The following ACIN1 variants were observed in gnomAD, a reference collection of about 807,000 sequenced individuals.
ACIN1 encodes the protein apoptotic chromatin condensation inducer 1.
Under a neutral mutation model 146.6 loss-of-function variants are expected in ACIN1, and 16 were observed. That is an observed-to-expected ratio of 0.11 (90% CI 0.07 to 0.17). The LOEUF is 0.17. Ranked by LOEUF, ACIN1 falls within the 10% of genes least tolerant of loss-of-function variation. The pLI, the probability that ACIN1 is intolerant of heterozygous loss-of-function variation, is 1.00. For synonymous variants in ACIN1, 569 were observed against 582.7 expected, an observed-to-expected ratio of 0.98 and a Z score of 0.34; for missense variants, 1,357 against 1,609.3, an observed-to-expected ratio of 0.84 and a Z score of 2.68.
chr14:23,060,978 AG>A (rs2047261629), intron 18 of ACIN1, 105 bp downstream of exon 18: 3 of 1,046,922 alleles, frequency 2.9e-6, no homozygotes, highest in African/African-American at 1.6e-5. Context: ...TCCTAAACCT[AG>A]GAAGTACTTG....
intron 8 of ACIN1, among the ~76,000 whole-genome samples, chr14:23,075,534 G>C (rs976485924): frequency 6.6e-6 from 1 of 151,610 alleles, no homozygotes; most frequent in Non-Finnish European, 1.5e-5. Context: ...ATCAGAATCA[G>C]AATGGATTTA....
chr14:23,079,819 G>T lies in ACIN1; in HGVS notation c.1516C>A (p.Leu506Ile), dbSNP rs1594772260. The T allele has an allele frequency of 1.2e-6, 2 of 1,614,220 alleles. No individual in the cohort carries two copies. The highest frequency in any genetic ancestry group is 4.5e-5 in the East Asian group (2 of 44,894). Residue 506 changes from leucine to isoleucine, a missense_variant, in exon 6 of 19, where the codon CTT (leucine) becomes ATT (isoleucine). Physicochemically the swap from Leu to Ile is conservative, Grantham distance 5. Around this residue, in one of 4 missense-constraint regions of ACIN1, gnomAD observed 771 missense variants for 746.6 expected, o/e 1.03. Coordinates refer to ENST00000605057, the MANE Select transcript of ACIN1 (RefSeq NM_001386863.1). ...QKEGRRASHT[L>I]LPSHRLKQSA... ...TGTTTCAATCTGTGGCTTGGGAGAAGGGTATGAGAAGCTCTTCTGCCTTCC... is the reference window on the plus strand; with the variant it reads ...TGTTTCAATCTGTGGCTTGGGAGAATGGTATGAGAAGCTCTTCTGCCTTCC...
At position 23,080,207 on chromosome 14, in the gene ACIN1, G is replaced by C. The variant is rs377659851; in HGVS notation, c.1128C>G (p.Ser376Arg). The C allele has an allele frequency of 2.5e-4, 398 of 1,614,154 alleles. 3 individuals carry two copies. The South Asian group carries it at 3.8e-3, about 15-fold the overall frequency. Residue 376 changes from serine to arginine, a missense_variant, in exon 6 of 19, where the codon AGC becomes AGG. Ser to Arg is a moderately radical substitution (Grantham distance 110). Coordinates refer to ENST00000605057, the MANE Select transcript of ACIN1 (RefSeq NM_001386863.1). ...SSPPPHPQLH[S>R]EEEIEPMEGP... is the part of the protein sequence containing the mutation. ...CTTCCATGGGCTCTATTTCTTCTTC[G>C]CTATGGAGCTGTGGATGAGGTGGTG...
At position 23,079,829 on chromosome 14, in the gene ACIN1, A is replaced by G. The variant is rs115915755; in HGVS notation, c.1506T>C (p.Ala502=). 100 of 1,614,152 alleles carry G rather than the reference A, an allele frequency of 6.2e-5. No individual in the cohort carries two copies. The highest frequency in any genetic ancestry group is 8.2e-5 in the Non-Finnish European group (97 of 1,180,042). The part of the protein sequence containing the change: ...PSLEQKEGRR[A]SHTLLPSHRL... The stretch of plus-strand genomic sequence containing the variant: ...TGTGGCTTGGGAGAAGGGTATGAGA[A>G]GCTCTTCTGCCTTCCTTCTGTTCCA... The change falls in exon 6 of 19, where the codon GCT becomes GCC. Residue 502 remains alanine (A), a synonymous_variant. Coordinates refer to ENST00000605057, the MANE Select transcript of ACIN1 (RefSeq NM_001386863.1).
intron 8 of ACIN1, among the ~76,000 whole-genome samples, chr14:23,075,090 G>T (rs2047764086): frequency 6.6e-6 from 1 of 152,156 alleles, no homozygotes; most frequent in Non-Finnish European, 1.5e-5. Flanking sequence ...TATTGGCATT[G>T]TATGTCCCCT....
chr14:23,064,548 C>T (rs966089304), intron 10 of ACIN1, 60 bp from the exon 11 acceptor site: 240 of 1,589,548 alleles, frequency 1.5e-4, no homozygotes, highest in Middle Eastern at 3.5e-4. Context: ...TAGTTCAAAC[C>T]GTAATACCTA....
chr14:23,064,085 CTG>C lies in ACIN1; in HGVS notation c.2595+18_2595+19del. On this transcript the variant is annotated intron_variant, in intron 12 of 18. Coordinates refer to ENST00000605057, the MANE Select transcript of ACIN1 (RefSeq NM_001386863.1). ...TACTGCTCCCACCTTTCCCCTGACACTGGGGTGCAGAAGCCTTACCTGAGTGA... is the reference window on the plus strand; with the variant it reads ...TACTGCTCCCACCTTTCCCCTGACACGGGTGCAGAAGCCTTACCTGAGTGA... 6.2e-7 allele frequency: 1 copy of C among 1,613,598 alleles called. No homozygotes were observed. The highest frequency in any genetic ancestry group is 8.5e-7 in the Non-Finnish European group (1 of 1,179,706).
chr14:23,069,342 T>C lies in ACIN1; in HGVS notation c.2265+134A>G, dbSNP rs571975032. On this transcript the variant is annotated intron_variant, in intron 9 of 18. Transcript: ENST00000605057. ...AAACCAGCGAATTCTCCCTTGGCCC[T>C]ATTCTGATCCAAGTCCCTGCCTCAT... The C allele has an allele frequency of 2.0e-4, 296 of 1,451,020 alleles. 4 individuals carry two copies. The African/African-American group carries it at 3.4e-3, about 17-fold the overall frequency. The allele number at this position is 1,451,020 out of a possible 1,614,324, so 89.9% of individuals were successfully genotyped here. A position where few individuals can be genotyped will look rare whatever the true frequency, so the allele number is the denominator to read the frequency against.
chr14:23,060,575 C>G (rs1006251390), intron 18 of ACIN1, among the ~76,000 whole-genome samples: 1 of 151,756 alleles, frequency 6.6e-6, no homozygotes, highest in Admixed American at 6.6e-5. Context: ...TGCAATGGCA[C>G]GGTCTCTGCT....
Position 23,079,844 on chromosome 14 carries a change from C to T in ACIN1, c.1491G>A (p.Lys497=), listed in dbSNP as rs772309872. The T allele has an allele frequency of 2.5e-5, 41 of 1,614,094 alleles. No individual in the cohort carries two copies. The highest frequency in any genetic ancestry group is 3.3e-4 in the Middle Eastern group (2 of 6,084). ...ECLKQPSLEQ[K]EGRRASHTLL... ...GGGTATGAGAAGCTCTTCTGCCTTC[C>T]TTCTGTTCCAAAGATGGCTGTTTCA... The change falls in exon 6 of 19, where the codon AAG becomes AAA. Residue 497 remains lysine, a synonymous_variant. Coordinates refer to ENST00000605057, the MANE Select transcript of ACIN1 (RefSeq NM_001386863.1).
chr14:23,067,498 G>A lies in ACIN1; in HGVS notation c.2266-1490C>T. ...TGCCAGAGTCCTCCCAGGGGCGCAGGGGGGGCGGGAGGGAAACGTGTGGGG... is the reference window on the plus strand; with the variant it reads ...TGCCAGAGTCCTCCCAGGGGCGCAGAGGGGGCGGGAGGGAAACGTGTGGGG... On this transcript the variant is annotated intron_variant, in intron 9 of 18. Coordinates refer to ENST00000605057, the MANE Select transcript of ACIN1 (RefSeq NM_001386863.1). This position sits in a 1 kb window ranked among gnomAD's most constrained non-coding sequence, Gnocchi z 4.6. 1.0e-5 allele frequency: 10 copies of A among 981,250 alleles called. No individual in the cohort carries two copies. Among genetic ancestry groups the A allele is most frequent in the South Asian group, 4.7e-5 (1 of 21,184 alleles). 60.8% of individuals were successfully genotyped at this position (981,250 alleles called of 1,614,324 possible). A position where few individuals can be genotyped will look rare whatever the true frequency, so the allele number is the denominator to read the frequency against.
At chr14:23,095,467 C>T (rs2048354356), upstream of ACIN1, 6 of 877,712 alleles carry the variant, frequency 6.8e-6, no homozygotes, top group Admixed American at 1.3e-4. Context: ...GGCGCTGGGG[C>T]GCTTGGGTGT....
At chr14:23,088,519 T>C (rs1449112467) in intron 4 of ACIN1, among the ~76,000 whole-genome samples, 8 of 152,206 alleles carry the variant, frequency 5.3e-5, no homozygotes, top group Non-Finnish European at 8.8e-5. Context: ...TCTATTTCCA[T>C]GAAGAGTCTA....
chr14:23,065,116 G>T (rs750305718), intron 10 of ACIN1, among the ~76,000 whole-genome samples: 10 of 152,306 alleles, frequency 6.6e-5, no homozygotes, highest in Admixed American at 2.6e-4. Context: ...CATCTAGGCA[G>T]AACTAAGATC....
rs1284526598 is a variant in ACIN1, at chr14:23,084,628, A to C, written c.437-2792T>G. 4.7e-5 allele frequency among the ~76,000 whole-genome samples: 7 copies of C among 148,290 alleles called. No individual in the cohort carries two copies. The East Asian group carries it at 1.2e-3, about 25-fold the overall frequency. On this transcript the variant is annotated intron_variant, in intron 4 of 18. Transcript: ENST00000605057. ...CCATCTCAAAAAAGAAAAAAAAAAA[A>C]AAAAACCCAAAATGAAACTAATGAA...
intron 8 of ACIN1, 120 bp from the exon 9 acceptor site, chr14:23,069,737 G>T: frequency 1.1e-6 from 1 of 883,770 alleles, no homozygotes; most frequent in Non-Finnish European, 1.7e-6. Context: ...GGTGGGATTA[G>T]GAGGGCTGCT....
chr14:23,079,728 C>T lies in ACIN1; in HGVS notation c.1607G>A (p.Arg536His), dbSNP rs770531376. 9.6e-5 allele frequency: 155 copies of T among 1,613,896 alleles called. 1 individual carries two copies. Among genetic ancestry groups the T allele is most frequent in the South Asian group, 7.7e-4 (70 of 91,070 alleles). ...SSSSSSRSRS[R>H]SPDSSGSRSH... ...CCGAGAACCTGAACTGTCAGGAGAG[C>T]GAGATCTTGATCTAGAACTGGAGGA... The change falls in exon 6 of 19, where the codon CGC becomes CAC. Residue 536 changes from arginine (R) to histidine (H), a missense_variant. Arg to His is a conservative substitution (Grantham distance 29, BLOSUM62 0). Transcript: ENST00000605057.
intron 8 of ACIN1, among the ~76,000 whole-genome samples, chr14:23,072,763 A>G (rs1484250303): frequency 6.6e-6 from 1 of 152,268 alleles, no homozygotes; most frequent in African/African-American, 2.4e-5. Flanking sequence ...CTGCATGCTA[A>G]AGTGGCCATA....
chr14:23,081,714 G>C, intron 5 of ACIN1, 34 bp downstream of exon 5: 17 of 1,475,442 alleles, frequency 1.2e-5, no homozygotes, highest in Non-Finnish European at 1.6e-5. Context: ...AAGCATTACT[G>C]AAGAGGTAAT....
Sources: allele counts gnomAD v4.1 joint callset (sites outside exome capture counted in the v4.1 genomes callset), GRCh38; gene constraint gnomAD v4.1.1; regional missense constraint gnomAD v4.1.1; non-coding constraint Gnocchi (gnomAD v3.1); transcripts MANE v1.5; gene names NCBI Gene and HGNC (gene_info 2026-07-23, HGNC 2026-07-21).